The following PLAAT5 variants were observed in gnomAD, a reference collection of about 807,000 sequenced individuals.
PLAAT5 encodes phospholipase A and acyltransferase 5.
Under a neutral mutation model 27.8 loss-of-function variants are expected in PLAAT5, and 27 were observed. The ratio of observed to expected loss-of-function variants is 0.97; its 90% confidence interval spans 0.72 to 1.34. The LOEUF is 1.34. PLAAT5 is among the 40% of genes most tolerant of loss of function. PLAAT5 has a pLI of 0.00. For missense variants in PLAAT5, 368 were observed against 343.8 expected, an observed-to-expected ratio of 1.07 and a Z score of -0.56; for synonymous variants, 125 against 136.1, an observed-to-expected ratio of 0.92 and a Z score of 0.57.
intron 5 of PLAAT5, 134 bp from the exon 6 acceptor site, chr11:63,463,729 C>T: frequency 1.0e-5 from 7 of 678,772 alleles, no homozygotes; most frequent in Non-Finnish European, 1.8e-5. Context: ...GCAGTCCATG[C>T]TATCTTATAT....
intron 3 of PLAAT5, among the ~76,000 whole-genome samples, chr11:63,471,955 C>T (rs1252533908): frequency 6.6e-6 from 1 of 152,148 alleles, no homozygotes; most frequent in African/African-American, 2.4e-5. Flanking sequence ...AAACCAAACA[C>T]CGCATGTTCT....
In PLAAT5 at chr11:63,490,259, TG is replaced by T. The variant is rs1247824569; in HGVS notation, c.222del (p.Arg75GlufsTer10). 1 of 1,614,124 alleles carries T rather than the reference TG, an allele frequency of 6.2e-7. No individual in the cohort carries two copies. Among genetic ancestry groups the T allele is most frequent in the African/African-American group, 1.3e-5 (1 of 74,944 alleles). ...KQPPPGTLEQGRSIQQGEKAV... is the reference protein window; with the variant it reads ...KQPPPGTLEQXRSIQQGEKAV... ...TCTTCTTACCCTTGCTGGATGCTTC[TG>T]CCCTGTTCTAATGTGCCCGGCGGAG... On this transcript the variant is annotated frameshift_variant, in exon 2 of 6. Coordinates refer to ENST00000540857, the MANE Select transcript of PLAAT5 (RefSeq NM_001146729.2). LOFTEE classifies it high-confidence loss of function.
chr11:63,488,813 G>T, intron 3 of PLAAT5, 58 bp downstream of exon 3: 1 of 1,151,668 alleles, frequency 8.7e-7, no homozygotes, highest in Non-Finnish European at 1.3e-6. Context: ...AATACAATAT[G>T]TAGAGAAGTT....
chr11:63,461,753 T>C lies in PLAAT5; in HGVS notation c.*1750A>G, dbSNP rs910850737. ...ACTTTGCCCCATGTCCATTGTGCCTTGTGTCTTCCTAGCCAACTCAGAACT... is the reference window on the plus strand; with the variant it reads ...ACTTTGCCCCATGTCCATTGTGCCTCGTGTCTTCCTAGCCAACTCAGAACT... On this transcript the variant is annotated 3_prime_UTR_variant, in exon 6 of 6. Coordinates refer to ENST00000540857, the MANE Select transcript of PLAAT5 (RefSeq NM_001146729.2). The C allele has an allele frequency of 6.6e-6, 1 of 152,218 alleles. No homozygotes were observed. The highest frequency in any genetic ancestry group is 6.5e-5 in the Admixed American group (1 of 15,272). The allele number at this position is 152,218 out of a possible 1,614,324, so 9.4% of individuals were successfully genotyped here.
intron 5 of PLAAT5, among the ~76,000 whole-genome samples, chr11:63,465,258 G>A (rs1427368593): frequency 3.9e-5 from 6 of 152,010 alleles, no homozygotes; most frequent in African/African-American, 1.2e-4. Flanking sequence ...CAACTTGGGC[G>A]ACAGAGCAAA....
intron 3 of PLAAT5, among the ~76,000 whole-genome samples, chr11:63,477,782 T>G (rs1023084026): frequency 3.3e-5 from 5 of 152,210 alleles, no homozygotes; most frequent in Non-Finnish European, 5.9e-5. Flanking sequence ...TTCTTGTTTT[T>G]AAGCCTGGCT....
chr11:63,468,505 G>A, intron 3 of PLAAT5, 40 bp from the exon 4 acceptor site: 1 of 1,462,692 alleles, frequency 6.8e-7, no homozygotes, highest in East Asian at 2.3e-5. Context: ...ACATGCTCAA[G>A]GAACTCCAGA....
rs111569913 is a variant in PLAAT5 at position 63,490,430 on chromosome 11, GC to G, written c.149-98del. The G allele has an allele frequency of 1.8e-3, 2,876 of 1,597,350 alleles. 48 individuals carry two copies. The African/African-American group carries it at 0.032, about 18-fold the overall frequency. On this transcript the variant is annotated intron_variant, in intron 1 of 5. Transcript: ENST00000540857. ...AGAGTGGGCTCAGAGCTCTAGTCTA[GC>G]ATCGTGCCTGGCCCCTGGTTAGGCC...
intron 3 of PLAAT5, among the ~76,000 whole-genome samples, chr11:63,483,931 G>A (rs1482622727): frequency 2.8e-5 from 4 of 143,434 alleles, no homozygotes; most frequent in Non-Finnish European, 4.6e-5. Context: ...CAAGAAAAGA[G>A]AAGAGATCCA....
At chr11:63,490,137 G>T in intron 2 of PLAAT5, 106 bp downstream of exon 2, 1 of 1,485,008 alleles carries the variant, frequency 6.7e-7, no homozygotes. Context: ...CGGCTGGCTG[G>T]TTCACACAAA....
At chr11:63,476,491 G>T (rs1030631140) in intron 3 of PLAAT5, among the ~76,000 whole-genome samples, 16 of 152,094 alleles carry the variant, frequency 1.1e-4, no homozygotes, top group African/African-American at 3.9e-4. Context: ...CAAAATTATT[G>T]GTTAACAGGT....
chr11:63,477,357 C>T (rs73488083), intron 3 of PLAAT5, among the ~76,000 whole-genome samples: 2,059 of 152,212 alleles, frequency 0.014, 47 homozygotes, highest in African/African-American at 0.047. Context: ...ACGGTTGTTG[C>T]TGTTTGCTTG....
In PLAAT5 at chr11:63,490,892, T is replaced by TA; in HGVS notation, c.142_143insT (p.His48LeufsTer39). 6 of 1,602,636 alleles carry TA rather than the reference T, an allele frequency of 3.7e-6. No homozygotes were observed. The highest frequency in any genetic ancestry group is 5.1e-6 in the Non-Finnish European group (6 of 1,175,264). On this transcript the variant is annotated frameshift_variant, in exon 1 of 6. Coordinates refer to ENST00000540857, the MANE Select transcript of PLAAT5 (RefSeq NM_001146729.2). LOFTEE classifies it high-confidence loss of function. ...GCCGCATTCTTGGGGCTGACCTGAG[T>TA]GGGGCACAGCTGAACGTCTGAGCGC...
At chr11:63,483,227 T>C (rs1025680685) in intron 3 of PLAAT5, among the ~76,000 whole-genome samples, 3 of 151,578 alleles carry the variant, frequency 2.0e-5, no homozygotes, top group African/African-American at 4.9e-5. Context: ...AAAGAAACAA[T>C]GGACTTAAAC....
chr11:63,479,186 G>A (rs972772389), intron 3 of PLAAT5, among the ~76,000 whole-genome samples: 2 of 152,252 alleles, frequency 1.3e-5, no homozygotes, highest in African/African-American at 4.8e-5. Context: ...TGTGAGTGAT[G>A]TAGATGGATA....
intron 5 of PLAAT5, among the ~76,000 whole-genome samples, chr11:63,465,796 A>C (rs560110759): frequency 9.9e-4 from 151 of 152,096 alleles, no homozygotes; most frequent in Non-Finnish European, 1.7e-3. Context: ...TCTCCAAAGA[A>C]AGAGGGGAAA....
At chr11:63,489,524 T>C (rs2016511398) in intron 2 of PLAAT5, among the ~76,000 whole-genome samples, 1 of 152,238 alleles carries the variant, frequency 6.6e-6, no homozygotes, top group Non-Finnish European at 1.5e-5. Flanking sequence ...CTTTCAAGCA[T>C]ATTAAATTAA....
chr11:63,486,199 C>G (rs775512668), intron 3 of PLAAT5, among the ~76,000 whole-genome samples: 1 of 152,136 alleles, frequency 6.6e-6, no homozygotes, highest in Non-Finnish European at 1.5e-5. Context: ...TAAACTGATA[C>G]AATCACTATG....
rs796216994 is a variant in PLAAT5, at chr11:63,461,549, A to T, written c.*1954T>A. On this transcript the variant is annotated 3_prime_UTR_variant, in exon 6 of 6. Coordinates refer to ENST00000540857, the MANE Select transcript of PLAAT5 (RefSeq NM_001146729.2). ...AGCCGCACCCGAGTGGTCCCACTCA[A>T]AAAAGAGATTTCTGTTTCTACCTCA... The T allele has an allele frequency of 9.8e-5, 15 of 152,328 alleles. No individual in the cohort carries two copies. The highest frequency in any genetic ancestry group is 3.6e-4 in the African/African-American group (15 of 41,566). The allele number at this position is 152,328 out of a possible 1,614,324, so 9.4% of individuals were successfully genotyped here.
Sources: allele counts gnomAD v4.1 joint callset (sites outside exome capture counted in the v4.1 genomes callset), GRCh38; gene constraint gnomAD v4.1.1; transcripts MANE v1.5; gene names NCBI Gene and HGNC (gene_info 2026-07-23, HGNC 2026-07-21).